Variants in HTT observed in about 807,000 individuals in gnomAD.
HTT encodes the protein huntington disease protein.
HTT carries 104 observed loss-of-function variants against 362.3 expected under a neutral mutation model. The observed-to-expected ratio is 0.29, with a 90% confidence interval of 0.24 to 0.34. The LOEUF is 0.34. Ranked by LOEUF, HTT falls within the 10% of genes least tolerant of loss-of-function variation. The pLI is 1.00. For missense variants in HTT, 3,301 were observed against 3,928.6 expected (o/e 0.84, Z 4.27); for synonymous variants, 1,577 against 1,548.7 (o/e 1.02, Z -0.43).
rs997171456 is a variant in HTT, at chr4:3,243,738, C to T, written c.*3679C>T. 58 of 152,248 alleles carry T rather than the reference C, an allele frequency of 3.8e-4. No individual in the cohort carries two copies. The highest frequency in any genetic ancestry group is 1.4e-3 in the African/African-American group (57 of 41,456). The allele number at this position is 152,248 out of a possible 1,614,324, so 9.4% of individuals were successfully genotyped here. On this transcript the variant is annotated 3_prime_UTR_variant, in exon 67 of 67. Transcript: ENST00000355072. The stretch of plus-strand genomic sequence containing the variant: ...GTGGGCTCTGACCCAAGTGGGGCCT[C>T]CTTGTCCAGGTCTCACTGCTTTGCA...
intron 55 of HTT, 122 bp downstream of exon 55, chr4:3,223,682 C>G (rs569842378): frequency 1.1e-6 from 1 of 925,262 alleles, no homozygotes; most frequent in African/African-American, 1.7e-5. Context: ...TTGAAAACAC[C>G]GTCCGTGTGG....
At chr4:3,142,702 C>T in intron 22 of HTT, 64 bp from the exon 23 acceptor site, 5 of 827,958 alleles carry the variant, frequency 6.0e-6, no homozygotes, top group East Asian at 3.0e-5. Context: ...TTTTAAATGC[C>T]ATTTGATCTT....
At chr4:3,167,110 C>A (rs977866367) in intron 29 of HTT, among the ~76,000 whole-genome samples, 4 of 152,228 alleles carry the variant, frequency 2.6e-5, no homozygotes, top group Admixed American at 2.6e-4. Flanking sequence ...CTTGCTCTGT[C>A]GCCCAGGCTG....
chr4:3,112,789 G>A (rs1345897761), intron 6 of HTT, among the ~76,000 whole-genome samples: 3 of 152,162 alleles, frequency 2.0e-5, no homozygotes, highest in Non-Finnish European at 4.4e-5. Flanking sequence ...GGGTGATAGG[G>A]TGTGTGCATC....
rs362330 is a variant in HTT at position 3,214,543 on chromosome 4, C to G, written c.6952+408C>G. On this transcript the variant is annotated intron_variant, in intron 50 of 66. Coordinates refer to ENST00000355072, the MANE Select transcript of HTT (RefSeq NM_001388492.1). The stretch of plus-strand genomic sequence containing the variant: ...TTTTTATACTGCATTGTAATATTAA[C>G]GTACTGTAAAATAAAAGTGGCTTGT... 8.7e-3 allele frequency among the ~76,000 whole-genome samples: 1,317 copies of G among 152,234 alleles called. 19 individuals carry two copies. The highest frequency in any genetic ancestry group is 0.03 in the African/African-American group (1,228 of 41,532).
At chr4:3,129,055 A>G (rs971363557) in intron 12 of HTT, 1 of 152,220 alleles carries the variant, frequency 6.6e-6, no homozygotes, top group Admixed American at 6.5e-5. Context: ...AATGTCCCCA[A>G]AGCTCATGCA....
rs1044981628 is a variant in HTT at position 3,131,608 on chromosome 4, C to T, written c.2099-30C>T. On this transcript the variant is annotated intron_variant, in intron 15 of 66. Coordinates refer to ENST00000355072, the MANE Select transcript of HTT (RefSeq NM_001388492.1). ...TTTGAAAACAATCTGTTGTTTGAGGCTGAAGGTGGCTTGGGTGATTTCTTG... is the reference window on the plus strand; with the variant it reads ...TTTGAAAACAATCTGTTGTTTGAGGTTGAAGGTGGCTTGGGTGATTTCTTG... 3 of 1,608,146 alleles carry T rather than the reference C, an allele frequency of 1.9e-6. No homozygotes were observed. In the African/African-American group the frequency reaches 4.0e-5, roughly 22 times the overall value.
intron 37 of HTT, 121 bp from the exon 38 acceptor site, chr4:3,186,476 A>G (rs1391371053): frequency 9.2e-7 from 1 of 1,081,794 alleles, no homozygotes; most frequent in Non-Finnish European, 1.4e-6. Flanking sequence ...ATGCTTTTAA[A>G]TGAGGGAAGG....
In HTT at chr4:3,132,677, C is replaced by T. The variant is rs748426062; in HGVS notation, c.2352C>T (p.Arg784=). The T allele has an allele frequency of 2.5e-6, 4 of 1,614,094 alleles. No individual in the cohort carries two copies. The African/African-American group carries it at 5.3e-5, about 22-fold the overall frequency. ...TLICSILSRS[R]FHVGDWMGTI... is the part of the protein sequence containing the mutation. ...TCTGCTCCATCCTCAGCAGGTCCCG[C>T]TTCCACGTGGGAGATTGGATGGGCA... The change falls in exon 17 of 67, where the codon CGC becomes CGT. Residue 784 remains arginine (R), a synonymous_variant. Coordinates refer to ENST00000355072, the MANE Select transcript of HTT (RefSeq NM_001388492.1).
chr4:3,215,017 A>T, intron 50 of HTT, 93 bp from the exon 51 acceptor site: 4 of 1,042,172 alleles, frequency 3.8e-6, no homozygotes, highest in Non-Finnish European at 5.7e-6. Flanking sequence ...ATCCCTTTCA[A>T]CTTTTGTGAG....
Position 3,172,330 on chromosome 4 carries a change from A to G in HTT, c.3875A>G (p.Glu1292Gly). The change falls in exon 30 of 67, where the codon GAG becomes GGG. Residue 1292 changes from glutamate to glycine, a missense_variant. Physicochemically the swap from Glu to Gly is moderately conservative, Grantham distance 98. Around this residue, in one of 4 missense-constraint regions of HTT, gnomAD observed 2,316 missense variants for 2,658.5 expected, o/e 0.87. Coordinates refer to ENST00000355072, the MANE Select transcript of HTT (RefSeq NM_001388492.1). ...CTTGTCTTTCTACAGTGTGTTGAAG[A>G]GATCCTAGGATACCTGAAATCCTGC... is the stretch of plus-strand genomic sequence containing the variant. ...TLQDIGKCVE[E>G]ILGYLKSCFS... 2.5e-6 allele frequency: 4 copies of G among 1,601,060 alleles called. No homozygotes were observed. In the South Asian group the frequency reaches 4.4e-5, roughly 18 times the overall value.
At chr4:3,186,310 G>C (rs1316639925) in intron 37 of HTT, among the ~76,000 whole-genome samples, 1 of 152,122 alleles carries the variant, frequency 6.6e-6, no homozygotes, top group Non-Finnish European at 1.5e-5. Context: ...AGTGCTAGTT[G>C]ATTTTTTTTC....
intron 51 of HTT, among the ~76,000 whole-genome samples, chr4:3,216,130 G>T (rs571802238): frequency 5.7e-4 from 87 of 152,266 alleles, no homozygotes; most frequent in African/African-American, 2.1e-3. Flanking sequence ...TGCAATCCTG[G>T]TTGTGGATGG....
intron 1 of HTT, among the ~76,000 whole-genome samples, chr4:3,076,182 C>A (rs577752733): frequency 6.6e-6 from 1 of 152,104 alleles, no homozygotes; most frequent in Non-Finnish European, 1.5e-5. Flanking sequence ...ATTTTTGAAA[C>A]AGGAAAAGAG....
At position 3,132,573 on chromosome 4, in the gene HTT, G is replaced by A. The variant is rs1220329346; in HGVS notation, c.2248G>A (p.Val750Ile). The A allele has an allele frequency of 2.5e-6, 4 of 1,613,920 alleles. No homozygotes were observed. Among genetic ancestry groups the A allele is most frequent in the Non-Finnish European group, 3.4e-6 (4 of 1,179,834 alleles). ...ATTTATCTCCACAGAGGAACAGTAT[G>A]TCTCAGACATCTTGAACTACATCGA... ...DTTEYPEEQYVSDILNYIDHG... is the reference protein window; with the variant it reads ...DTTEYPEEQYISDILNYIDHG... The change falls in exon 17 of 67, where the codon GTC becomes ATC. Residue 750 changes from valine to isoleucine, a missense_variant. By Grantham distance (29) the Val-to-Ile change is conservative (BLOSUM62 3). This residue lies in a region of HTT where 2,316 missense variants were observed against 2,658.5 expected (regional missense o/e 0.87). Coordinates refer to ENST00000355072, the MANE Select transcript of HTT (RefSeq NM_001388492.1).
At chr4:3,099,455 A>G in intron 3 of HTT, 61 bp downstream of exon 3, 10 of 1,601,992 alleles carry the variant, frequency 6.2e-6, no homozygotes, top group Non-Finnish European at 8.5e-6. Context: ...TGAGAGAAGA[A>G]GCGATCATTG....
chr4:3,126,330 A>T (rs917148088), intron 11 of HTT, among the ~76,000 whole-genome samples: 3 of 152,214 alleles, frequency 2.0e-5, no homozygotes, highest in Non-Finnish European at 4.4e-5. Flanking sequence ...CCGGGATTAC[A>T]GGAGTGAGCC....
At chr4:3,130,262 A>G (rs1715741253) in intron 13 of HTT, 43 bp from the exon 14 acceptor site, 15 of 1,229,426 alleles carry the variant, frequency 1.2e-5, no homozygotes, top group Non-Finnish European at 1.7e-5. Context: ...TTGTATTTTA[A>G]GTGGAAATTT....
At chr4:3,191,930 G>A (rs770579622) in intron 40 of HTT, among the ~76,000 whole-genome samples, 6 of 152,214 alleles carry the variant, frequency 3.9e-5, no homozygotes, top group South Asian at 2.1e-4. Flanking sequence ...TAGAGTAAGA[G>A]AAAGAATGTG....
Sources: gnomAD v4.1 joint callset for allele counts (sites outside exome capture counted in the v4.1 genomes callset) on GRCh38, gnomAD v4.1.1 for gene constraint, gnomAD v4.1.1 regional missense constraint, MANE v1.5 for transcripts, NCBI Gene and HGNC (gene_info 2026-07-23, HGNC 2026-07-21) for gene names.